SLC4A4: variants seen among roughly 807,000 people sequenced by gnomAD.
SLC4A4 encodes solute carrier family 4 member 4, also known as electrogenic sodium bicarbonate cotransporter 1.
Under a neutral mutation model 111.5 loss-of-function variants are expected in SLC4A4, and 27 were observed. The ratio of observed to expected loss-of-function variants is 0.24; its 90% CI spans 0.18 to 0.33. SLC4A4 has a LOEUF of 0.33. SLC4A4 is among the 10% of genes least tolerant of loss of function. The pLI, the probability that SLC4A4 is intolerant of heterozygous loss-of-function variation, is 1.00. For missense variants in SLC4A4, 909 were observed against 1,315.5 expected (o/e 0.69, Z 4.78); for synonymous variants, 443 against 463.4 (o/e 0.96, Z 0.57).
intron 3 of SLC4A4, among the ~76,000 whole-genome samples, chr4:71,279,132 A>G (rs940711702): frequency 2.0e-5 from 3 of 152,170 alleles, no homozygotes; most frequent in East Asian, 1.9e-4. Context: ...TATACAATAA[A>G]TTATTATTAA....
intron 6 of SLC4A4, among the ~76,000 whole-genome samples, chr4:71,379,549 T>G (rs779264458): frequency 1.3e-5 from 2 of 152,160 alleles, no homozygotes; most frequent in African/African-American, 2.4e-5. Context: ...CCCTTATTTG[T>G]GCTCTCATAA....
At chr4:71,195,368 C>T (rs1745947204) in intron 1 of SLC4A4, among the ~76,000 whole-genome samples, 1 of 150,496 alleles carries the variant, frequency 6.6e-6, no homozygotes, top group African/African-American at 2.4e-5. Context: ...ATAAGTCAGT[C>T]TACATTTTAT....
At chr4:71,558,130 C>A (rs1444860724) in intron 22 of SLC4A4, among the ~76,000 whole-genome samples, 2 of 151,946 alleles carry the variant, frequency 1.3e-5, no homozygotes, top group African/African-American at 4.8e-5. Flanking sequence ...CTTCTTTGAA[C>A]TACTATTACC....
chr4:71,151,832 G>A (rs761973798), intron 2 of SLC4A4, among the ~76,000 whole-genome samples: 29 of 151,586 alleles, frequency 1.9e-4, no homozygotes, highest in Non-Finnish European at 3.4e-4. Context: ...AAGCCAAGGA[G>A]GGCAAATCAC....
intron 2 of SLC4A4, among the ~76,000 whole-genome samples, chr4:71,156,583 C>CGG (rs1560749427): frequency 2.2e-5 from 2 of 92,068 alleles, no homozygotes; most frequent in Non-Finnish European, 4.4e-5. Flanking sequence ...TGCGCGCGCG[C>CGG]GCGCGCACAC....
intron 3 of SLC4A4, among the ~76,000 whole-genome samples, chr4:71,281,792 A>G (rs530385292): frequency 1.3e-5 from 2 of 152,340 alleles, no homozygotes; most frequent in African/African-American, 4.8e-5. Flanking sequence ...AAATAATTTG[A>G]GAGATTATAA....
At chr4:71,345,926 C>T (rs1229868840) in intron 4 of SLC4A4, among the ~76,000 whole-genome samples, 2 of 152,028 alleles carry the variant, frequency 1.3e-5, no homozygotes, top group Non-Finnish European at 2.9e-5. Context: ...TTCCCAGGTA[C>T]ACACTAACGT....
intron 1 of SLC4A4, among the ~76,000 whole-genome samples, chr4:71,079,360 A>T (rs1458615953): frequency 6.6e-6 from 1 of 152,144 alleles, no homozygotes; most frequent in Non-Finnish European, 1.5e-5. Context: ...TGTAGAAGGA[A>T]CACATCCTTT....
intron 2 of SLC4A4, among the ~76,000 whole-genome samples, chr4:71,124,874 T>C (rs1416885662): frequency 6.6e-6 from 1 of 152,226 alleles, no homozygotes; most frequent in African/African-American, 2.4e-5. Flanking sequence ...CCACACTACG[T>C]AAATAATTAT....
At chr4:71,424,874 A>G (rs954872503) in intron 7 of SLC4A4, among the ~76,000 whole-genome samples, 1 of 151,838 alleles carries the variant, frequency 6.6e-6, no homozygotes, top group African/African-American at 2.4e-5. Flanking sequence ...TAGCATTGGG[A>G]GATATACCTA....
intron 3 of SLC4A4, among the ~76,000 whole-genome samples, chr4:71,265,207 G>A (rs1722148779): frequency 6.6e-6 from 1 of 152,152 alleles, no homozygotes; most frequent in South Asian, 2.1e-4. Context: ...TGGCCAAGAT[G>A]CTTTCCTCTT....
rs528519730 is a variant in SLC4A4 at position 71,516,833 on chromosome 4, ATTTTGGTTC to A, written c.2167-15226_2167-15218del. Among the ~76,000 whole-genome samples, 13 of 152,172 alleles carry A rather than the reference ATTTTGGTTC, an allele frequency of 8.5e-5. No individual in the cohort carries two copies. The East Asian group carries it at 2.3e-3, about 27-fold the overall frequency. ...TTCGAGGTATGTTTCTCTAGTCATA[ATTTTGGTTC>A]TTCTTTCTGGAAAGAGTAGGTGTCT... On this transcript the variant is annotated intron_variant, in intron 16 of 25. Coordinates refer to ENST00000264485, the MANE Select transcript of SLC4A4 (RefSeq NM_001098484.3).
intron 2 of SLC4A4, among the ~76,000 whole-genome samples, chr4:71,172,406 C>T (rs1044130622): frequency 2.0e-5 from 3 of 152,076 alleles, no homozygotes; most frequent in Admixed American, 6.5e-5. Flanking sequence ...CAGGCACATG[C>T]CACCATGCCC....
intron 3 of SLC4A4, among the ~76,000 whole-genome samples, chr4:71,293,883 G>A (rs372729217): frequency 1.8e-4 from 28 of 152,306 alleles, no homozygotes; most frequent in African/African-American, 2.6e-4. Context: ...TTGAAAGCAC[G>A]CACTGTGTGA....
Position 71,567,913 on chromosome 4 carries a change from A to C in SLC4A4, c.*162A>C, listed in dbSNP as rs1342407960. The C allele has an allele frequency of 7.7e-7, 1 of 1,295,014 alleles. No homozygotes were observed. Among genetic ancestry groups the C allele is most frequent in the African/African-American group, 1.5e-5 (1 of 66,880 alleles). 80.2% of individuals were successfully genotyped at this position (1,295,014 alleles called of 1,614,324 possible). A position where few individuals can be genotyped will look rare whatever the true frequency, so the allele number is the denominator to read the frequency against. The stretch of plus-strand genomic sequence containing the variant: ...TTGTAACCTGTTTGTCTTTCTTAAA[A>C]CTGACATTTGTTGTTAATGTCATTT... On this transcript the variant is annotated 3_prime_UTR_variant, in exon 26 of 26. Coordinates refer to ENST00000264485, the MANE Select transcript of SLC4A4 (RefSeq NM_001098484.3).
At chr4:71,551,135 G>A (rs748898033) in intron 20 of SLC4A4, among the ~76,000 whole-genome samples, 78 of 151,954 alleles carry the variant, frequency 5.1e-4, no homozygotes, top group Admixed American at 3.1e-3. Flanking sequence ...AAGATGAAAG[G>A]CACTTCCTTG....
chr4:71,085,178 T>A (rs1288755769), intron 1 of SLC4A4, among the ~76,000 whole-genome samples: 1 of 152,158 alleles, frequency 6.6e-6, no homozygotes, highest in Non-Finnish European at 1.5e-5. Context: ...TTTTTTCATG[T>A]GTCTTTTGGC....
intron 16 of SLC4A4, among the ~76,000 whole-genome samples, chr4:71,508,243 A>G (rs180696195): frequency 4.6e-5 from 7 of 152,254 alleles, no homozygotes; most frequent in African/African-American, 1.7e-4. Flanking sequence ...ATCAGAGCTG[A>G]ACTGAATGAG....
chr4:71,165,491 G>C (rs1334006566), intron 2 of SLC4A4, among the ~76,000 whole-genome samples: 2 of 152,088 alleles, frequency 1.3e-5, no homozygotes, highest in Admixed American at 6.6e-5. Flanking sequence ...CTCATAAGTG[G>C]GAGTTGAACA....
Sources: allele counts gnomAD v4.1 joint callset (sites outside exome capture counted in the v4.1 genomes callset), GRCh38; gene constraint gnomAD v4.1.1; transcripts MANE v1.5; gene names NCBI Gene and HGNC (gene_info 2026-07-23, HGNC 2026-07-21).